RARB: variants seen among roughly 807,000 people sequenced by gnomAD.
RARB encodes the protein retinoic acid receptor beta, also known as HBV-activated protein.
A neutral mutation model predicts 51.9 loss-of-function variants in RARB; 17 were observed. That is an observed-to-expected ratio of 0.33 (90% CI 0.22 to 0.49). The LOEUF is 0.49. Ranked by LOEUF, RARB falls within the 20% of genes least tolerant of loss-of-function variation. The probability of loss-of-function intolerance (pLI) is 0.99; values close to 1 mark genes in which losing one functional copy is unlikely to be tolerated. For synonymous variants in RARB, 215 were observed against 195.4 expected (o/e 1.10, Z -0.84); for missense variants, 369 against 550.8 (o/e 0.67, Z 3.30).
rs112323092 is a variant in RARB at position 25,500,728 on chromosome 3, C to T, written c.307-454C>T. 2.3e-3 allele frequency among the ~76,000 whole-genome samples: 347 copies of T among 152,214 alleles called. 3 individuals carry two copies. The highest frequency in any genetic ancestry group is 7.0e-3 in the African/African-American group (291 of 41,518). Reference sequence around the variant, plus strand: ...TCCTTACCTCAAATGATCCTCCTGCCTCAGCCTCCCAAAGTGCTGGGATTA... The same window carrying T: ...TCCTTACCTCAAATGATCCTCCTGCTTCAGCCTCCCAAAGTGCTGGGATTA... On this transcript the variant is annotated intron_variant, in intron 2 of 7. Transcript: ENST00000330688.
At chr3:25,387,041 A>T (rs1456084916) in intron 5 of RARB, among the ~76,000 whole-genome samples, 1 of 152,184 alleles carries the variant, frequency 6.6e-6, no homozygotes, top group Non-Finnish European at 1.5e-5. Context: ...GCAATAATTT[A>T]AGACCAGTTC....
At chr3:25,361,509 G>A (rs966925159) in intron 5 of RARB, among the ~76,000 whole-genome samples, 2 of 152,018 alleles carry the variant, frequency 1.3e-5, no homozygotes, top group Non-Finnish European at 2.9e-5. Flanking sequence ...TCTCCATCCA[G>A]TTTTTTTTCC....
At position 25,530,146 on chromosome 3, in the gene RARB, C is replaced by T. The variant is rs115165436; in HGVS notation, c.448+28823C>T. 1.9e-3 allele frequency among the ~76,000 whole-genome samples: 282 copies of T among 152,298 alleles called. 2 individuals are homozygous for T. The highest frequency in any genetic ancestry group is 6.2e-3 in the African/African-American group (258 of 41,556). ...TGAAGGCTGCCTGAGTGTTATCTAC[C>T]CCTTATATCCCCTGGGTCTGGCACA... On this transcript the variant is annotated intron_variant, in intron 3 of 7. Transcript: ENST00000330688.
intron 2 of RARB, among the ~76,000 whole-genome samples, chr3:24,965,588 G>A (rs1006232119): frequency 6.6e-6 from 1 of 152,154 alleles, no homozygotes; most frequent in African/African-American, 2.4e-5. Flanking sequence ...AAGGTTGCTA[G>A]ATGACCTTCA....
At chr3:24,916,238 C>T (rs1414031038) in intron 2 of RARB, among the ~76,000 whole-genome samples, 7 of 152,072 alleles carry the variant, frequency 4.6e-5, no homozygotes, top group Admixed American at 4.6e-4. Flanking sequence ...TCATTTCCCT[C>T]CATTCTAGTC....
intron 2 of RARB, among the ~76,000 whole-genome samples, chr3:25,019,098 G>A (rs1418403440): frequency 2.6e-5 from 4 of 152,116 alleles, no homozygotes; most frequent in African/African-American, 7.2e-5. Context: ...TGACTCTTGG[G>A]AAATCACCTT....
intron 2 of RARB, among the ~76,000 whole-genome samples, chr3:24,860,347 C>A (rs1196792875): frequency 3.3e-5 from 5 of 152,176 alleles, no homozygotes. Context: ...TCTCAGCCTT[C>A]TTTTAGTTCT....
chr3:25,323,602 A>G (rs1347838545), intron 5 of RARB, among the ~76,000 whole-genome samples: 1 of 152,210 alleles, frequency 6.6e-6, no homozygotes, highest in Non-Finnish European at 1.5e-5. Context: ...TTTGGCTTGT[A>G]TATTTCATCC....
At chr3:24,858,828 G>A (rs1702682165) in intron 2 of RARB, 2 of 151,904 alleles carry the variant, frequency 1.3e-5, no homozygotes, top group Non-Finnish European at 2.9e-5. Context: ...TTTGAGGTTA[G>A]GAGTTCGAGA....
chr3:24,984,100 A>G (rs1696735835), intron 2 of RARB, among the ~76,000 whole-genome samples: 2 of 152,164 alleles, frequency 1.3e-5, no homozygotes, highest in Non-Finnish European at 2.9e-5. Context: ...TAGCTATATA[A>G]CCCACAGTCA....
chr3:25,162,384 T>C (rs1323812890), intron 4 of RARB, among the ~76,000 whole-genome samples: 1 of 152,232 alleles, frequency 6.6e-6, no homozygotes, highest in African/African-American at 2.4e-5. Context: ...GCTAGGATTA[T>C]AGGCACAAAC....
At chr3:25,580,083 G>C (rs1019012257) in intron 4 of RARB, among the ~76,000 whole-genome samples, 2 of 152,246 alleles carry the variant, frequency 1.3e-5, no homozygotes, top group Non-Finnish European at 2.9e-5. Context: ...TGTTTTAAAA[G>C]GATGAATCCG....
At chr3:25,179,405 T>G (rs1223702086) in intron 5 of RARB, among the ~76,000 whole-genome samples, 1 of 152,208 alleles carries the variant, frequency 6.6e-6, no homozygotes, top group Non-Finnish European at 1.5e-5. Context: ...GTTATATTTG[T>G]CCTTAAACTT....
At chr3:25,531,667 T>G (rs1286901992) in intron 3 of RARB, among the ~76,000 whole-genome samples, 1 of 151,884 alleles carries the variant, frequency 6.6e-6, no homozygotes, top group Non-Finnish European at 1.5e-5. Flanking sequence ...TACAGTTTTC[T>G]GTATTTTTTA....
rs150287283 is a variant in RARB, at chr3:25,548,885, G to A, written c.449-20873G>A. On this transcript the variant is annotated intron_variant, in intron 3 of 7. Coordinates refer to ENST00000330688, the MANE Select transcript of RARB (RefSeq NM_000965.5). ...GCTGACATTATAGATGTTTTAGGGT[G>A]AGCCACAAGGTATCTAGTTTGGAGG... is the stretch of plus-strand genomic sequence containing the variant. Among the ~76,000 whole-genome samples the A allele has an allele frequency of 3.0e-4, 46 of 152,170 alleles. No homozygotes were observed. The East Asian group carries it at 7.2e-3, about 24-fold the overall frequency.
At chr3:24,875,079 T>C (rs1016009086) in intron 2 of RARB, among the ~76,000 whole-genome samples, 2 of 152,102 alleles carry the variant, frequency 1.3e-5, no homozygotes, top group Non-Finnish European at 2.9e-5. Context: ...TTAAACAAGA[T>C]TTTGGTTCTA....
At chr3:25,190,092 G>C (rs1701063241) in intron 5 of RARB, among the ~76,000 whole-genome samples, 1 of 152,082 alleles carries the variant, frequency 6.6e-6, no homozygotes, top group Non-Finnish European at 1.5e-5. Flanking sequence ...GTGATGCATA[G>C]GGGTTGGGGG....
At chr3:25,130,825 A>G (rs555428398) in intron 3 of RARB, among the ~76,000 whole-genome samples, 18 of 151,080 alleles carry the variant, frequency 1.2e-4, no homozygotes, top group South Asian at 2.1e-4. Flanking sequence ...GAATTAATGA[A>G]TTGTTCATCT....
intron 2 of RARB, chr3:25,024,953 CAAAAAA>C (rs200229458): frequency 0.25 from 19,598 of 78,550 alleles, 1,285 homozygotes; most frequent in East Asian, 0.36. Flanking sequence ...GACTCCGTCT[CAAAAAA>C]AAAAAAAAAA....
Sources: gnomAD v4.1 joint callset for allele counts (sites outside exome capture counted in the v4.1 genomes callset) on GRCh38, gnomAD v4.1.1 for gene constraint, MANE v1.5 for transcripts, NCBI Gene and HGNC (gene_info 2026-07-23, HGNC 2026-07-21) for gene names.